The following OR10J1 variants were observed in gnomAD, a reference collection of about 807,000 sequenced individuals.
OR10J1 encodes the protein olfactory receptor family 10 subfamily J member 1.
For synonymous variants in OR10J1, 202 were observed against 143.8 expected (o/e 1.40, Z -2.89); for missense variants, 474 against 376.6 (o/e 1.26, Z -2.14).
the OR10J1 span, among the ~76,000 whole-genome samples, chr1:159,427,357 A>T: frequency 6.6e-6 from 1 of 151,798 alleles, no homozygotes; most frequent in Non-Finnish European, 1.5e-5. Context: ...TAGATATTTT[A>T]TTTTTTAAGT....
At chr1:159,425,008 G>A in the OR10J1 span, among the ~76,000 whole-genome samples, 1 of 152,078 alleles carries the variant, frequency 6.6e-6, no homozygotes, top group Non-Finnish European at 1.5e-5. Flanking sequence ...AAAAGACTGA[G>A]ACTTTAAATG....
the OR10J1 span, among the ~76,000 whole-genome samples, chr1:159,426,821 T>C: frequency 1.0e-3 from 158 of 152,034 alleles, no homozygotes; most frequent in African/African-American, 3.7e-3. Context: ...CTCTTCTCCA[T>C]TAACCTTCAA....
chr1:159,428,061 A>T, the OR10J1 span, among the ~76,000 whole-genome samples: 1 of 152,180 alleles, frequency 6.6e-6, no homozygotes, highest in South Asian at 2.1e-4. Context: ...TCTGCCAGAG[A>T]TCTATAGCAA....
chr1:159,416,658 T>G, the OR10J1 span, among the ~76,000 whole-genome samples: 2 of 152,044 alleles, frequency 1.3e-5, no homozygotes, highest in African/African-American at 2.4e-5. Flanking sequence ...GAAATTGATG[T>G]TAGTTCCTTT....
upstream of OR10J1, among the ~76,000 whole-genome samples, chr1:159,437,100 G>C (rs756583163): frequency 1.3e-5 from 2 of 152,234 alleles, no homozygotes; most frequent in Non-Finnish European, 2.9e-5. Context: ...CTCATGGAAA[G>C]TATTCAGTGA....
In OR10J1 at chr1:159,439,854, T is replaced by C; in HGVS notation, c.63T>C (p.His21=). 6.2e-7 allele frequency: 1 copy of C among 1,614,198 alleles called. No homozygotes were observed. The highest frequency in any genetic ancestry group is 1.1e-5 in the South Asian group (1 of 91,084). The change falls in exon 1 of 1, where the codon CAT becomes CAC. Residue 21 remains histidine (H), a synonymous_variant. Coordinates refer to ENST00000423932, the MANE Select transcript of OR10J1 (RefSeq NM_012351.3). ...TTTTCCAAGGTTTCTCTAGCTTCCA[T>C]GAGCAGCAGATCACCCTTTTTGGCG... ...DFVFQGFSSF[H]EQQITLFGVF...
chr1:159,436,386 A>G (rs1655738692), upstream of OR10J1, among the ~76,000 whole-genome samples: 1 of 152,164 alleles, frequency 6.6e-6, no homozygotes, highest in African/African-American at 2.4e-5. Context: ...TGAGCCACAC[A>G]TTGATTCAGT....
At chr1:159,429,011 C>A in the OR10J1 span, among the ~76,000 whole-genome samples, 6 of 152,232 alleles carry the variant, frequency 3.9e-5, no homozygotes, top group Non-Finnish European at 7.3e-5. Flanking sequence ...TCTCTTCCAA[C>A]CTTCAGAAAG....
At chr1:159,415,239 T>C in the OR10J1 span, among the ~76,000 whole-genome samples, 2 of 152,088 alleles carry the variant, frequency 1.3e-5, no homozygotes, top group African/African-American at 2.4e-5. Flanking sequence ...CTTGAGTTGA[T>C]TTTTTTATAT....
At chr1:159,419,679 G>A in the OR10J1 span, among the ~76,000 whole-genome samples, 1 of 152,084 alleles carries the variant, frequency 6.6e-6, no homozygotes, top group East Asian at 1.9e-4. Flanking sequence ...TTCCACTGTA[G>A]TCTCAGAAGA....
At chr1:159,413,057 C>T in the OR10J1 span, among the ~76,000 whole-genome samples, 1 of 152,190 alleles carries the variant, frequency 6.6e-6, no homozygotes, top group Admixed American at 6.6e-5. Context: ...CAAAGGAAGA[C>T]ATTTATGCAG....
At chr1:159,417,434 T>C in the OR10J1 span, among the ~76,000 whole-genome samples, 1 of 152,174 alleles carries the variant, frequency 6.6e-6, no homozygotes, top group African/African-American at 2.4e-5. Context: ...AATTGAATCA[T>C]GGGAGCAGGT....
At chr1:159,401,473 G>C in the OR10J1 span, among the ~76,000 whole-genome samples, 1 of 151,922 alleles carries the variant, frequency 6.6e-6, no homozygotes, top group African/African-American at 2.4e-5. Context: ...CTATGAGCAA[G>C]TATATGCCAA....
the OR10J1 span, among the ~76,000 whole-genome samples, chr1:159,425,674 A>G: frequency 6.6e-6 from 1 of 152,056 alleles, no homozygotes; most frequent in Non-Finnish European, 1.5e-5. Context: ...ATATCATAAT[A>G]ATGTATGTTC....
chr1:159,400,157 A>G, the OR10J1 span, among the ~76,000 whole-genome samples: 1 of 152,038 alleles, frequency 6.6e-6, no homozygotes, highest in Non-Finnish European at 1.5e-5. Flanking sequence ...AAATGGCAAG[A>G]GTAAGTGTGC....
At chr1:159,406,022 G>C in the OR10J1 span, 3 of 432,194 alleles carry the variant, frequency 6.9e-6, no homozygotes, top group African/African-American at 4.1e-5. Context: ...CCATGGCTAT[G>C]AGAAGAAAGC....
the OR10J1 span, among the ~76,000 whole-genome samples, chr1:159,416,270 A>G: frequency 6.6e-6 from 1 of 152,036 alleles, no homozygotes; most frequent in South Asian, 2.1e-4. Context: ...GTTCTTAGAT[A>G]AAAGGCTTTC....
chr1:159,415,443 A>G, the OR10J1 span, among the ~76,000 whole-genome samples: 1 of 152,096 alleles, frequency 6.6e-6, no homozygotes, highest in Admixed American at 6.6e-5. Context: ...CTGTTTTTAT[A>G]CTAATACCAT....
upstream of OR10J1, among the ~76,000 whole-genome samples, chr1:159,437,483 AAAAAAAT>A (rs1191306848): frequency 1.3e-5 from 2 of 152,166 alleles, no homozygotes; most frequent in African/African-American, 4.8e-5. Flanking sequence ...ATACATCTGT[AAAAAAAT>A]AAAAAATAAA....
Sources: gnomAD v4.1 joint callset for allele counts (sites outside exome capture counted in the v4.1 genomes callset) on GRCh38, gnomAD v4.1.1 for gene constraint, MANE v1.5 for transcripts, NCBI Gene and HGNC (gene_info 2026-07-23, HGNC 2026-07-21) for gene names.